The following ANKRD26 variants were observed in gnomAD, a reference collection of about 807,000 sequenced individuals.
The protein encoded by ANKRD26 is ankyrin repeat domain-containing protein 26.
In ANKRD26, 141 loss-of-function variants were observed where a neutral mutation model predicts 208.7. The ratio of observed to expected loss-of-function variants is 0.68; its 90% CI spans 0.59 to 0.78. The LOEUF is 0.78. ANKRD26 is among the 30% of genes least tolerant of loss of function. The pLI, the probability that ANKRD26 is intolerant of heterozygous loss-of-function variation, is 0.00. For missense variants in ANKRD26, 1,889 were observed against 1,938.7 expected (o/e 0.97, Z 0.48); for synonymous variants, 636 against 660.4 (o/e 0.96, Z 0.57).
At chr10:26,993,483 A>T (rs1011135562) in intron 5 of ANKRD26, among the ~76,000 whole-genome samples, 1 of 152,130 alleles carries the variant, frequency 6.6e-6, no homozygotes, top group African/African-American at 2.4e-5. Context: ...TGGCCTAATA[A>T]AGGGGTGATT....
the ANKRD26 span, among the ~76,000 whole-genome samples, chr10:26,954,525 A>C: frequency 6.6e-6 from 1 of 152,038 alleles, no homozygotes; most frequent in Non-Finnish European, 1.5e-5. Context: ...TTGTACACTA[A>C]GATTGTCTAT....
intron 1 of ANKRD26, among the ~76,000 whole-genome samples, chr10:27,094,531 C>A (rs942323839): frequency 1.2e-4 from 18 of 152,206 alleles, no homozygotes; most frequent in Non-Finnish European, 2.9e-5. Flanking sequence ...TAGTAGCTAT[C>A]TCATAGGACA....
the ANKRD26 span, among the ~76,000 whole-genome samples, chr10:26,967,839 C>T: frequency 6.6e-6 from 1 of 152,102 alleles, no homozygotes; most frequent in Non-Finnish European, 1.5e-5. Context: ...TCCATTGGGC[C>T]TTTATAAATT....
intron 9 of ANKRD26, among the ~76,000 whole-genome samples, chr10:27,070,650 A>G (rs572423131): frequency 1.3e-5 from 2 of 152,250 alleles, no homozygotes; most frequent in African/African-American, 4.8e-5. Flanking sequence ...TTTTAAAAGT[A>G]AAAAATCATC....
intron 27 of ANKRD26, among the ~76,000 whole-genome samples, chr10:27,025,535 T>C (rs1026131862): frequency 3.8e-4 from 58 of 152,198 alleles, no homozygotes; most frequent in African/African-American, 1.4e-3. Context: ...TGTCTTCTTT[T>C]ATACTAAAAT....
intron 4 of ANKRD26, among the ~76,000 whole-genome samples, chr10:27,092,047 A>G (rs1190112610): frequency 1.3e-5 from 2 of 152,152 alleles, no homozygotes; most frequent in African/African-American, 4.8e-5. Flanking sequence ...TAAAACTGAT[A>G]AGAAACCTCT....
intron 19 of ANKRD26, 32 bp downstream of exon 19, chr10:27,044,125 C>T: frequency 7.6e-7 from 1 of 1,314,140 alleles, no homozygotes; most frequent in Non-Finnish European, 1.0e-6. Flanking sequence ...TTTTTTTAAA[C>T]AATAATTTTG....
At chr10:26,985,693 C>T (rs143060181) in intron 3 of ANKRD26, among the ~76,000 whole-genome samples, 4 of 152,292 alleles carry the variant, frequency 2.6e-5, no homozygotes, top group Admixed American at 6.5e-5. Context: ...ACAGCTCTGA[C>T]ACTTCTTGTC....
chr10:26,972,036 C>G (rs537967091), downstream of ANKRD26, among the ~76,000 whole-genome samples: 123 of 152,184 alleles, frequency 8.1e-4, no homozygotes, highest in African/African-American at 2.9e-3. Context: ...GAGATCGAGA[C>G]CATCCTGGCT....
intron 9 of ANKRD26, among the ~76,000 whole-genome samples, chr10:27,067,975 T>C (rs1348014885): frequency 1.3e-5 from 2 of 152,116 alleles, no homozygotes; most frequent in African/African-American, 4.8e-5. Flanking sequence ...AAAGTATAAT[T>C]CACTAGTTCT....
rs201590387 is a variant in ANKRD26, at chr10:27,093,898, TTTGGCTGTGTCCCCACCCAAATCTCATC to T, written c.243-127_243-100del. On this transcript the variant is annotated intron_variant, in intron 1 of 33. Transcript: ENST00000376087. ...AACATTAAATAGCATGTTGATATGGTTTGGCTGTGTCCCCACCCAAATCTCATCTTGGCTGTGTCCCCAACCAAATCCC... is the reference window on the plus strand; with the variant it reads ...AACATTAAATAGCATGTTGATATGGTTTGGCTGTGTCCCCAACCAAATCCC... The T allele has an allele frequency of 0.021, 21,149 of 1,005,468 alleles. 1,419 individuals carry two copies. The highest frequency in any genetic ancestry group is 0.2 in the East Asian group (7,548 of 38,632). 62.3% of individuals were successfully genotyped at this position (1,005,468 alleles called of 1,614,324 possible). A position where few individuals can be genotyped will look rare whatever the true frequency, so the allele number is the denominator to read the frequency against.
chr10:27,044,608 A>G (rs1458718898), intron 18 of ANKRD26, among the ~76,000 whole-genome samples: 1 of 152,126 alleles, frequency 6.6e-6, no homozygotes, highest in Admixed American at 6.6e-5. Context: ...TAACACCCTT[A>G]CATGATGGAA....
In ANKRD26 at chr10:27,005,170, T is replaced by C. The variant is rs2052827486; in HGVS notation, c.*420A>G. ...TAAAATTAAAATTATGTAAATTTGA[T>C]GGCACTGTAACAATTGTAATACATC... On this transcript the variant is annotated 3_prime_UTR_variant, in exon 34 of 34. Coordinates refer to ENST00000376087, the MANE Select transcript of ANKRD26 (RefSeq NM_014915.3). The C allele has an allele frequency of 2.0e-6, 2 of 986,664 alleles. No homozygotes were observed. The highest frequency in any genetic ancestry group is 1.1e-4 in the East Asian group (1 of 8,906). 61.1% of individuals were successfully genotyped at this position (986,664 alleles called of 1,614,324 possible).
intron 5 of ANKRD26, among the ~76,000 whole-genome samples, chr10:27,084,913 CCTGTTTTTTTTT>C (rs1381959735): frequency 6.8e-6 from 1 of 147,630 alleles, no homozygotes; most frequent in Non-Finnish European, 1.5e-5. Context: ...CTTTTTTTTT[CCTGTTTTTTTTT>C]AGAGTCTCCC....
the ANKRD26 span, among the ~76,000 whole-genome samples, chr10:26,960,338 G>A: frequency 5.9e-5 from 9 of 152,270 alleles, no homozygotes; most frequent in South Asian, 2.1e-4. Context: ...TTACCCTGCC[G>A]AAGGGCCACG....
chr10:27,067,501 T>C (rs1344610542), intron 9 of ANKRD26, among the ~76,000 whole-genome samples: 1 of 151,960 alleles, frequency 6.6e-6, no homozygotes, highest in Admixed American at 6.6e-5. Flanking sequence ...TTGCAGGCTG[T>C]ATAGGAGGCA....
In ANKRD26 at chr10:27,042,618, T is replaced by C. The variant is rs1003332563; in HGVS notation, c.2161+808A>G. ...AATACAAAAAGTTTGCCAGGCTTGGTGGCGGGCACCTGTAGTTCCAGCTAC... is the reference window on the plus strand; with the variant it reads ...AATACAAAAAGTTTGCCAGGCTTGGCGGCGGGCACCTGTAGTTCCAGCTAC... On this transcript the variant is annotated intron_variant, in intron 20 of 33. Transcript: ENST00000376087. 4.6e-5 allele frequency among the ~76,000 whole-genome samples: 7 copies of C among 151,994 alleles called. 1 individual carries two copies. Among genetic ancestry groups the C allele is most frequent in the Admixed American group, 3.3e-4 (5 of 15,264 alleles).
rs540070317 is a variant in ANKRD26 at position 27,035,228 on chromosome 10, A to G, written c.3222T>C (p.Asn1074=). The change falls in exon 24 of 34, where the codon AAT becomes AAC. Residue 1074 remains asparagine, a synonymous_variant. Coordinates refer to ENST00000376087, the MANE Select transcript of ANKRD26 (RefSeq NM_014915.3). ...TGTGATGGAACTCAATTTCTAGGCTATTGAGTTTACTTTCAGTTTTAAATA... is the reference window on the plus strand; with the variant it reads ...TGTGATGGAACTCAATTTCTAGGCTGTTGAGTTTACTTTCAGTTTTAAATA... The part of the protein sequence containing the change: ...QQLFKTESKL[N]SLEIEFHHTR... 3.2e-5 allele frequency: 51 copies of G among 1,614,042 alleles called. No individual in the cohort carries two copies. In the South Asian group the frequency reaches 4.8e-4, roughly 15 times the overall value.
intron 15 of ANKRD26, among the ~76,000 whole-genome samples, chr10:27,053,597 T>C (rs987372901): frequency 1.4e-4 from 21 of 152,234 alleles, no homozygotes; most frequent in African/African-American, 5.1e-4. Context: ...GCCTAATCTT[T>C]AGTGGAATAT....
Sources: gnomAD v4.1 joint callset for allele counts (sites outside exome capture counted in the v4.1 genomes callset) on GRCh38, gnomAD v4.1.1 for gene constraint, MANE v1.5 for transcripts, NCBI Gene and HGNC (gene_info 2026-07-23, HGNC 2026-07-21) for gene names.